The following APOBEC3C variants were observed in gnomAD, a reference collection of about 807,000 sequenced individuals.
APOBEC3C encodes the protein DNA dC->dU-editing enzyme APOBEC-3C.
Under a neutral mutation model 20.6 loss-of-function variants are expected in APOBEC3C, and 14 were observed. The observed-to-expected ratio is 0.68, with a 90% CI of 0.45 to 1.06. The LOEUF (loss-of-function observed/expected upper bound fraction) is 1.06. Among genes scored for constraint, APOBEC3C ranks in the 50% least tolerant of loss-of-function variants. The pLI is 0.00. For missense variants in APOBEC3C, 244 were observed against 241.9 expected, an observed-to-expected ratio of 1.01 and a Z score of -0.06; for synonymous variants, 98 against 88.8, an observed-to-expected ratio of 1.10 and a Z score of -0.58.
chr22:39,017,659 G>A, intron 2 of APOBEC3C, 107 bp from the exon 3 acceptor site: 1 of 1,397,120 alleles, frequency 7.2e-7, no homozygotes, highest in South Asian at 1.3e-5. Flanking sequence ...AGTAAATAAG[G>A]AAACGGCCCG....
In APOBEC3C at chr22:39,014,385, T is replaced by G. The variant is rs553103156; in HGVS notation, c.17+6T>G. On this transcript the variant is annotated splice_donor_region_variant and intron_variant, in intron 1 of 3. Transcript: ENST00000361441. The stretch of plus-strand genomic sequence containing the variant: ...AACATGAATCCACAGATCAGGTACC[T>G]CTGCACGCTTTGTCCGCCAGGCCCC... 2.5e-6 allele frequency: 4 copies of G among 1,614,142 alleles called. No homozygotes were observed. Among genetic ancestry groups the G allele is most frequent in the Non-Finnish European group, 3.4e-6 (4 of 1,180,004 alleles).
rs1406536300 is a variant in APOBEC3C at position 39,018,605 on chromosome 22, C to T, written c.*218C>T. On this transcript the variant is annotated 3_prime_UTR_variant, in exon 4 of 4. Coordinates refer to ENST00000361441, the MANE Select transcript of APOBEC3C (RefSeq NM_014508.3). ...CTTTCTGCCTCCATGGCTATCCATC[C>T]ACCCCCACAGACCCCGTTCCTCCAG... The T allele has an allele frequency of 4.1e-6, 2 of 489,216 alleles. No homozygotes were observed. Among genetic ancestry groups the T allele is most frequent in the East Asian group, 3.8e-5 (1 of 26,170 alleles). 30.3% of individuals were successfully genotyped at this position (489,216 alleles called of 1,614,324 possible).
In APOBEC3C at chr22:39,019,991, T is replaced by G. The variant is rs2146313525; in HGVS notation, c.*1604T>G. The G allele has an allele frequency of 6.6e-6, 1 of 152,138 alleles. No homozygotes were observed. The highest frequency in any genetic ancestry group is 2.4e-5 in the African/African-American group (1 of 41,496). The allele number at this position is 152,138 out of a possible 1,614,324, so 9.4% of individuals were successfully genotyped here. Reference sequence around the variant, plus strand: ...TTGTAGTTTTAGTAGAGATGGGGTCTCACCATGTTGGCCAGACTGGTCTCG... The same window carrying G: ...TTGTAGTTTTAGTAGAGATGGGGTCGCACCATGTTGGCCAGACTGGTCTCG... On this transcript the variant is annotated 3_prime_UTR_variant, in exon 4 of 4. Coordinates refer to ENST00000361441, the MANE Select transcript of APOBEC3C (RefSeq NM_014508.3).
At chr22:39,015,429 C>T (rs1924744267) in intron 1 of APOBEC3C, among the ~76,000 whole-genome samples, 166 bp from the exon 2 acceptor site, 1 of 152,276 alleles carries the variant, frequency 6.6e-6, no homozygotes, top group East Asian at 1.9e-4. Context: ...CTCTTTCTCT[C>T]TCCCCGTCTT....
chr22:39,017,610 C>G lies in APOBEC3C; in HGVS notation c.175-156C>G, dbSNP rs180761326. Among the ~76,000 whole-genome samples, 5 of 152,208 alleles carry G rather than the reference C, an allele frequency of 3.3e-5. No individual in the cohort carries two copies. In the East Asian group the frequency reaches 7.7e-4, roughly 24 times the overall value. On this transcript the variant is annotated intron_variant, in intron 2 of 3. Coordinates refer to ENST00000361441, the MANE Select transcript of APOBEC3C (RefSeq NM_014508.3). ...AGCCCAGATCCCACCACTGCACCCC[C>G]TAACCTGTGCACCAGAGAGAGACCC...
rs908303380 is a variant in APOBEC3C at position 39,018,141 on chromosome 22, G to A, written c.454+96G>A. The A allele has an allele frequency of 3.8e-6, 6 of 1,576,740 alleles. No individual in the cohort carries two copies. The African/African-American group carries it at 5.4e-5, about 14-fold the overall frequency. On this transcript the variant is annotated intron_variant, in intron 3 of 3. Coordinates refer to ENST00000361441, the MANE Select transcript of APOBEC3C (RefSeq NM_014508.3). The stretch of plus-strand genomic sequence containing the variant: ...TGTGGGGCGGGTCAGTGTCCCCTGG[G>A]TGTCTGTGGGGACCGGGCCAGCGCC...
chr22:39,016,381 CTT>C (rs575173801), intron 2 of APOBEC3C, among the ~76,000 whole-genome samples: 6 of 122,866 alleles, frequency 4.9e-5, no homozygotes, highest in East Asian at 2.3e-4. Flanking sequence ...TTCTTTTTTT[CTT>C]TTTTTTTTTT....
At position 39,014,291 on chromosome 22, in the gene APOBEC3C, G is replaced by A; in HGVS notation, c.-72G>A. 5.0e-6 allele frequency: 8 copies of A among 1,600,082 alleles called. No individual in the cohort carries two copies. The highest frequency in any genetic ancestry group is 6.9e-6 in the Non-Finnish European group (8 of 1,167,450). On this transcript the variant is annotated 5_prime_UTR_variant, in exon 1 of 4. Transcript: ENST00000361441. The stretch of plus-strand genomic sequence containing the variant: ...AGGGCTGCTCAACTGCAAGGACGCT[G>A]TAAGCAGGAAGAGAAGCCACAGCGC...
Position 39,018,038 on chromosome 22 carries a change from C to T in APOBEC3C, c.447C>T (p.Asp149=). 6.2e-7 allele frequency: 1 copy of T among 1,613,998 alleles called. No homozygotes were observed. The highest frequency in any genetic ancestry group is 8.5e-7 in the Non-Finnish European group (1 of 1,179,926). The part of the protein sequence containing the change: ...SQEGVAVEIM[D]YEDFKYCWEN... The stretch of plus-strand genomic sequence containing the variant: ...AAGGGGTCGCTGTGGAGATCATGGA[C>T]TATGAAGGTGAGACGTGGGGGGCTG... The change falls in exon 3 of 4, where the codon GAC becomes GAT. Residue 149 remains aspartate, a synonymous_variant. Transcript: ENST00000361441.
intron 1 of APOBEC3C, among the ~76,000 whole-genome samples, chr22:39,014,911 A>G (rs1030251858): frequency 2.6e-5 from 4 of 152,184 alleles, no homozygotes. Flanking sequence ...ACACGACCCC[A>G]GACACAGGCT....
rs1171804549 is a variant in APOBEC3C, at chr22:39,019,896, C to T, written c.*1509C>T. 1 of 150,504 alleles carries T rather than the reference C, an allele frequency of 6.6e-6. No individual in the cohort carries two copies. The highest frequency in any genetic ancestry group is 1.5e-5 in the Non-Finnish European group (1 of 67,908). 9.3% of individuals were successfully genotyped at this position (150,504 alleles called of 1,614,324 possible). A position where few individuals can be genotyped will look rare whatever the true frequency, so the allele number is the denominator to read the frequency against. On this transcript the variant is annotated 3_prime_UTR_variant, in exon 4 of 4. Transcript: ENST00000361441. ...TCTGGACTCACTGCAACCTCCGCCT[C>T]CCGAGTTTAAGCGATTCTTCTGCTT...
chr22:39,018,016 G>A lies in APOBEC3C; in HGVS notation c.425G>A (p.Gly142Glu). The change falls in exon 3 of 4, where the codon GGG becomes GAG. Residue 142 changes from glycine (G) to glutamate (E), a missense_variant. Physicochemically the swap from Gly to Glu is moderately conservative, Grantham distance 98. Coordinates refer to ENST00000361441, the MANE Select transcript of APOBEC3C (RefSeq NM_014508.3). ...QEGLRSLSQEGVAVEIMDYED... is the reference protein window; with the variant it reads ...QEGLRSLSQEEVAVEIMDYED... ...GGGCTCCGCAGCCTGAGTCAGGAAG[G>A]GGTCGCTGTGGAGATCATGGACTAT... The A allele has an allele frequency of 6.2e-7, 1 of 1,614,188 alleles. No homozygotes were observed. The highest frequency in any genetic ancestry group is 8.5e-7 in the Non-Finnish European group (1 of 1,180,036).
rs1250456801 is a variant in APOBEC3C, at chr22:39,018,734, C to T, written c.*347C>T. Reference sequence around the variant, plus strand: ...GTGACTCACGCCTGTAATCCCCCAGCAATTTGGGAGGCAAAGGTGGGAGAA... The same window carrying T: ...GTGACTCACGCCTGTAATCCCCCAGTAATTTGGGAGGCAAAGGTGGGAGAA... On this transcript the variant is annotated 3_prime_UTR_variant, in exon 4 of 4. Transcript: ENST00000361441. The T allele has an allele frequency of 6.4e-6, 1 of 157,326 alleles. No individual in the cohort carries two copies. Among genetic ancestry groups the T allele is most frequent in the East Asian group, 1.8e-4 (1 of 5,562 alleles). 9.7% of individuals were successfully genotyped at this position (157,326 alleles called of 1,614,324 possible).
chr22:39,016,232 C>T (rs914834305), intron 2 of APOBEC3C, among the ~76,000 whole-genome samples: 6 of 73,362 alleles, frequency 8.2e-5, no homozygotes, highest in Admixed American at 4.7e-4. Flanking sequence ...CGGAGTCTTG[C>T]TCTATCGCCC....
At chr22:39,015,791 A>G in intron 2 of APOBEC3C, 40 bp downstream of exon 2, 1 of 1,586,454 alleles carries the variant, frequency 6.3e-7, no homozygotes, top group South Asian at 1.1e-5. Context: ...ATAGGAGCTA[A>G]GCAGCTGGGA....
At chr22:39,017,117 A>T (rs533590259) in intron 2 of APOBEC3C, among the ~76,000 whole-genome samples, 1 of 152,280 alleles carries the variant, frequency 6.6e-6, no homozygotes, top group African/African-American at 2.4e-5. Flanking sequence ...CTGTAGTCCC[A>T]GCTACTCAGG....
Position 39,017,883 on chromosome 22 carries a change from C to T in APOBEC3C, c.292C>T (p.Pro98Ser). 1 of 1,614,192 alleles carries T rather than the reference C, an allele frequency of 6.2e-7. No individual in the cohort carries two copies. Among genetic ancestry groups the T allele is most frequent in the South Asian group, 1.1e-5 (1 of 91,090 alleles). The stretch of plus-strand genomic sequence containing the variant: ...CTGGTACACATCTTGGAGCCCTTGC[C>T]CAGACTGTGCAGGGGAGGTGGCCGA... ...VTWYTSWSPC[P>S]DCAGEVAEFL... Residue 98 changes from proline to serine, a missense_variant, in exon 3 of 4, where the codon CCA (proline) becomes TCA (serine). Transcript: ENST00000361441.
Position 39,018,639 on chromosome 22 carries a change from C to A in APOBEC3C, c.*252C>A. The stretch of plus-strand genomic sequence containing the variant: ...AGACCCCGTTCCTCCAGCCTGCGTG[C>A]CCCTAACCTGGCTTTTCCCATCTCC... On this transcript the variant is annotated 3_prime_UTR_variant, in exon 4 of 4. Transcript: ENST00000361441. 2.8e-6 allele frequency: 1 copy of A among 357,722 alleles called. No homozygotes were observed. Among genetic ancestry groups the A allele is most frequent in the Non-Finnish European group, 5.1e-6 (1 of 195,804 alleles). 22.2% of individuals were successfully genotyped at this position (357,722 alleles called of 1,614,324 possible).
intron 3 of APOBEC3C, 100 bp downstream of exon 3, chr22:39,018,145 C>G: frequency 6.3e-7 from 1 of 1,575,224 alleles, no homozygotes; most frequent in Non-Finnish European, 8.6e-7. Context: ...CCCTGGGTGT[C>G]TGTGGGGACC....
Sources: gnomAD v4.1 joint callset for allele counts (sites outside exome capture counted in the v4.1 genomes callset) on GRCh38, gnomAD v4.1.1 for gene constraint, MANE v1.5 for transcripts, NCBI Gene and HGNC (gene_info 2026-07-23, HGNC 2026-07-21) for gene names.